OTOA: variants seen among roughly 807,000 people sequenced by gnomAD.
OTOA encodes the protein cancer/testis antigen 108.
A neutral mutation model predicts 110.8 loss-of-function variants in OTOA; 70 were observed. That is an observed-to-expected ratio of 0.63 (90% CI 0.52 to 0.77). The LOEUF (loss-of-function observed/expected upper bound fraction) is 0.77, where lower values mean the gene tolerates loss of function less well. Among genes scored for constraint, OTOA ranks in the 30% least tolerant of loss-of-function variants. The probability of loss-of-function intolerance (pLI) is 0.00; values close to 1 mark genes in which losing one functional copy is unlikely to be tolerated. For synonymous variants in OTOA, 373 were observed against 431.5 expected, an observed-to-expected ratio of 0.86 and a Z score of 1.68; for missense variants, 917 against 1,075.8, an observed-to-expected ratio of 0.85 and a Z score of 2.06.
At position 21,687,614 on chromosome 16, in the gene OTOA, C is replaced by T. The variant is rs1394347624; in HGVS notation, c.601C>T (p.Pro201Ser). Residue 201 changes from proline (P) to serine (S), a missense_variant, in exon 8 of 29, where the codon CCT becomes TCT. Physicochemically the swap from Pro to Ser is moderately conservative, Grantham distance 74. Transcript: ENST00000646100. Reference protein sequence around the residue: ...FLQPDITERLPRDLREDAFKN... With the variant: ...FLQPDITERLSRDLREDAFKN... ...CCAGCCAGACATCACAGAGCGGCTC[C>T]CTCGGGACCTGCGCGAGGATGCCTT... is the stretch of plus-strand genomic sequence containing the variant. 6.2e-7 allele frequency: 1 copy of T among 1,613,600 alleles called. No homozygotes were observed. Among genetic ancestry groups the T allele is most frequent in the South Asian group, 1.1e-5 (1 of 91,046 alleles).
At chr16:21,664,978 G>A (rs201382626) in intron 1 of OTOA, among the ~76,000 whole-genome samples, 329 of 145,022 alleles carry the variant, frequency 2.3e-3, no homozygotes, top group Middle Eastern at 3.5e-3. Context: ...TCTCATGAAT[G>A]AATAAATAAA....
chr16:21,692,942 A>G (rs867182540), intron 9 of OTOA, among the ~76,000 whole-genome samples: 11 of 148,660 alleles, frequency 7.4e-5, no homozygotes, highest in East Asian at 2.0e-4. Flanking sequence ...AAAAAAAAAA[A>G]AAAGAAAGAA....
At chr16:21,728,097 T>C in intron 19 of OTOA, 144 bp from the exon 20 acceptor site, 1 of 1,004,476 alleles carries the variant, frequency 1.0e-6, no homozygotes, top group Non-Finnish European at 1.5e-6. Flanking sequence ...ACTCCTGGCC[T>C]CAAATGATCT....
intron 6 of OTOA, chr16:21,684,333 G>T: frequency 7.3e-7 from 1 of 1,366,674 alleles, no homozygotes; most frequent in South Asian, 1.8e-5. Context: ...CGGAGATTTA[G>T]AGAACAATTC....
intron 14 of OTOA, 75 bp from the exon 15 acceptor site, chr16:21,716,832 A>G: frequency 1.3e-6 from 2 of 1,569,210 alleles, no homozygotes; most frequent in Non-Finnish European, 1.7e-6. Context: ...ATTGCCTGTG[A>G]TGTAGTGCCT....
intron 24 of OTOA, among the ~76,000 whole-genome samples, chr16:21,750,097 C>G (rs1194620279): frequency 1.3e-5 from 2 of 152,294 alleles, no homozygotes; most frequent in Non-Finnish European, 2.9e-5. Flanking sequence ...GCAGAAAACC[C>G]AACACAAACT....
chr16:21,756,385 C>G (rs971965756), intron 27 of OTOA, among the ~76,000 whole-genome samples: 2 of 152,088 alleles, frequency 1.3e-5, no homozygotes, highest in African/African-American at 4.8e-5. Context: ...ACCAAAGGAT[C>G]AGAATCAGTC....
At chr16:21,667,574 G>A (rs1419849985) in intron 1 of OTOA, among the ~76,000 whole-genome samples, 4 of 151,490 alleles carry the variant, frequency 2.6e-5, no homozygotes, top group African/African-American at 7.3e-5. Flanking sequence ...TAACCCCAGC[G>A]TGGGTAACAG....
chr16:21,714,070 A>G (rs1567383797), intron 13 of OTOA, among the ~76,000 whole-genome samples: 1 of 152,160 alleles, frequency 6.6e-6, no homozygotes, highest in Non-Finnish European at 1.5e-5. Context: ...CACCCATTAT[A>G]CACAGAATAA....
At chr16:21,699,610 C>A (rs959721456) in intron 10 of OTOA, among the ~76,000 whole-genome samples, 2 of 152,044 alleles carry the variant, frequency 1.3e-5, no homozygotes, top group Admixed American at 6.6e-5. Flanking sequence ...GCACCCAAGC[C>A]TGGGTAAAAG....
intron 17 of OTOA, among the ~76,000 whole-genome samples, chr16:21,720,822 T>C (rs1388271642): frequency 6.6e-6 from 1 of 152,164 alleles, no homozygotes; most frequent in Non-Finnish European, 1.5e-5. Flanking sequence ...TTTCCTAGGC[T>C]TCCAGCTCTC....
At chr16:21,731,619 G>T (rs368566388) in intron 21 of OTOA, among the ~76,000 whole-genome samples, 1 of 152,204 alleles carries the variant, frequency 6.6e-6, no homozygotes, top group African/African-American at 2.4e-5. Flanking sequence ...AAGTTGGCAC[G>T]CTGTCACTTC....
rs1898578426 is a variant in OTOA, at chr16:21,717,049, T to A, written c.1629+2T>A. The A allele has an allele frequency of 6.2e-7, 1 of 1,613,940 alleles. No individual in the cohort carries two copies. Among genetic ancestry groups the A allele is most frequent in the Admixed American group, 1.7e-5 (1 of 59,992 alleles). Reference sequence around the variant, plus strand: ...GATAAGGAACTTGGAAGGAGCCAGGTATTACCATGAAACACAGATCGATCC... The same window carrying A: ...GATAAGGAACTTGGAAGGAGCCAGGAATTACCATGAAACACAGATCGATCC... On this transcript the variant is annotated splice_donor_variant, in intron 15 of 28. Transcript: ENST00000646100. LOFTEE classifies it high-confidence loss of function.
At chr16:21,723,092 G>T in intron 18 of OTOA, 114 bp downstream of exon 18, 1 of 1,065,374 alleles carries the variant, frequency 9.4e-7, no homozygotes, top group Non-Finnish European at 1.4e-6. Flanking sequence ...AGGCAGAGTG[G>T]AGGATGCCTT....
At chr16:21,688,888 G>C (rs79632374) in intron 8 of OTOA, among the ~76,000 whole-genome samples, 24 of 152,304 alleles carry the variant, frequency 1.6e-4, no homozygotes, top group African/African-American at 5.8e-4. Context: ...CCTGGGTCTT[G>C]TTCCATTGAT....
rs1900143408 is a variant in OTOA at position 21,760,644 on chromosome 16, C to A, written c.*104C>A. 2 of 1,027,028 alleles carry A rather than the reference C, an allele frequency of 1.9e-6. No homozygotes were observed. The highest frequency in any genetic ancestry group is 2.6e-5 in the South Asian group (2 of 75,972). 63.6% of individuals were successfully genotyped at this position (1,027,028 alleles called of 1,614,324 possible). On this transcript the variant is annotated 3_prime_UTR_variant, in exon 29 of 29. Transcript: ENST00000646100. ...ACACCCTTCCCTGGATCCAGACCCT[C>A]ATCTAGGGCAGGGAAACCCTGGGGC...
intron 13 of OTOA, among the ~76,000 whole-genome samples, chr16:21,713,177 C>T (rs2141693376): frequency 6.6e-6 from 1 of 152,222 alleles, no homozygotes; most frequent in Admixed American, 6.5e-5. Flanking sequence ...GTTGCCCAGG[C>T]AGATCTCAAA....
At chr16:21,757,020 C>A (rs1900005584) in intron 27 of OTOA, 62 bp from the exon 28 acceptor site, 1 of 299,208 alleles carries the variant, frequency 3.3e-6, no homozygotes, top group Non-Finnish European at 6.0e-6. Flanking sequence ...CGCGGACGCC[C>A]GAGATGTGGG....
chr16:21,675,718 G>T (rs1966856485), intron 1 of OTOA, among the ~76,000 whole-genome samples: 1 of 151,842 alleles, frequency 6.6e-6, no homozygotes, highest in African/African-American at 2.4e-5. Flanking sequence ...TCCTCTTGGG[G>T]TTTTTTTCGC....
Sources: gnomAD v4.1 joint callset for allele counts (sites outside exome capture counted in the v4.1 genomes callset) on GRCh38, gnomAD v4.1.1 for gene constraint, MANE v1.5 for transcripts, NCBI Gene and HGNC (gene_info 2026-07-23, HGNC 2026-07-21) for gene names.